The following CTCFL variants were observed in gnomAD, a reference collection of about 807,000 sequenced individuals.
CTCFL encodes the protein CCCTC-binding factor like.
A neutral mutation model predicts 67.4 loss-of-function variants in CTCFL; 36 were observed. The observed-to-expected ratio is 0.53, with a 90% CI of 0.41 to 0.71. The LOEUF (loss-of-function observed/expected upper bound fraction) is 0.71, where lower values mean the gene tolerates loss of function less well. Ranked by LOEUF, CTCFL falls within the 30% of genes least tolerant of loss-of-function variation. The pLI, the probability that CTCFL is intolerant of heterozygous loss-of-function variation, is 0.00. For synonymous variants in CTCFL, 324 were observed against 302.3 expected (o/e 1.07, Z -0.75); for missense variants, 786 against 835.2 (o/e 0.94, Z 0.73).
chr20:57,508,850 CT>C, intron 8 of CTCFL, 62 bp from the exon 9 acceptor site: 1 of 1,434,200 alleles, frequency 7.0e-7, no homozygotes, highest in Non-Finnish European at 9.7e-7. Context: ...ATATTAGACA[CT>C]GTTTATCATA....
At chr20:57,499,889 T>A (rs944705158) in intron 10 of CTCFL, 1 of 846,020 alleles carries the variant, frequency 1.2e-6, no homozygotes, top group Admixed American at 7.5e-5. Flanking sequence ...CTTCACTCCC[T>A]CACCCACTGC....
rs2069604064 is a variant in CTCFL, at chr20:57,523,833, C to G, written c.373G>C (p.Gly125Arg). Residue 125 changes from glycine to arginine, a missense_variant, in exon 2 of 11, where the codon GGG becomes CGG. By Grantham distance (125) the Gly-to-Arg change is moderately radical (BLOSUM62 -2). This residue lies in a region of CTCFL where 333 missense variants were observed against 304.6 expected (regional missense o/e 1.09). Transcript: ENST00000243914. ...CACTGCTGCAGGCTCTGCCGGGGCCCTTCCTCAAGCCACAGCAACCCAGGG... is the reference window on the plus strand; with the variant it reads ...CACTGCTGCAGGCTCTGCCGGGGCCGTTCCTCAAGCCACAGCAACCCAGGG... Reference protein sequence around the residue: ...PGPGLLWLEEGPRQSLQQCVA... With the variant: ...PGPGLLWLEERPRQSLQQCVA... The G allele has an allele frequency of 1.2e-6, 2 of 1,613,142 alleles. No homozygotes were observed. The highest frequency in any genetic ancestry group is 1.7e-5 in the Admixed American group (1 of 60,032).
rs770657653 is a variant in CTCFL at position 57,524,105 on chromosome 20, C to T, written c.101G>A (p.Gly34Glu). ...CCGATGGTCTTTCTCTCTGCACACT[C>T]CGTCTTTTTCCTCCTCCTTCAGGCC... ...EKGLKEEEKD[G>E]VCREKDHRSP... is the part of the protein sequence containing the mutation. Residue 34 changes from glycine to glutamate, a missense_variant, in exon 2 of 11, where the codon GGA (glycine) becomes GAA (glutamate). Gly to Glu is a moderately conservative substitution (Grantham distance 98). Coordinates refer to ENST00000243914, the MANE Select transcript of CTCFL (RefSeq NM_001386993.1). 7 of 1,613,768 alleles carry T rather than the reference C, an allele frequency of 4.3e-6. No homozygotes were observed. The highest frequency in any genetic ancestry group is 5.9e-6 in the Non-Finnish European group (7 of 1,179,994).
chr20:57,510,634 C>A (rs888278169), intron 8 of CTCFL, among the ~76,000 whole-genome samples: 1 of 152,132 alleles, frequency 6.6e-6, no homozygotes, highest in East Asian at 1.9e-4. Flanking sequence ...GAGGCCGAGG[C>A]GGGCAGATCA....
rs933552817 is a variant in CTCFL at position 57,498,647 on chromosome 20, A to G, written c.1895T>C (p.Met632Thr). The G allele has an allele frequency of 1.9e-6, 3 of 1,614,052 alleles. No homozygotes were observed. Among genetic ancestry groups the G allele is most frequent in the Non-Finnish European group, 2.5e-6 (3 of 1,180,022 alleles). The change falls in exon 11 of 11, where the codon ATG becomes ACG. Residue 632 changes from methionine (M) to threonine (T), a missense_variant. Met to Thr is a moderately conservative substitution (Grantham distance 81). Coordinates refer to ENST00000243914, the MANE Select transcript of CTCFL (RefSeq NM_001386993.1). ...TTKGEQFPGEMFPVACRETTA... is the reference protein window; with the variant it reads ...TTKGEQFPGETFPVACRETTA... ...GGTTTCTCTGCAGGCGACAGGAAACATCTCTCCTGGGAACTGTTCTCCCTT... is the reference window on the plus strand; with the variant it reads ...GGTTTCTCTGCAGGCGACAGGAAACGTCTCTCCTGGGAACTGTTCTCCCTT...
intron 5 of CTCFL, among the ~76,000 whole-genome samples, chr20:57,516,563 C>T (rs556039274): frequency 2.0e-5 from 3 of 152,058 alleles, no homozygotes; most frequent in South Asian, 2.1e-4. Flanking sequence ...AAAATAAAAA[C>T]GAAACCCTAG....
At chr20:57,519,783 A>G (rs2069213260) in intron 3 of CTCFL, among the ~76,000 whole-genome samples, 1 of 152,206 alleles carries the variant, frequency 6.6e-6, no homozygotes, top group South Asian at 2.1e-4. Context: ...AACTAAAGAT[A>G]ACCCGCCCCA....
At chr20:57,506,906 T>C in intron 9 of CTCFL, 2 of 985,372 alleles carry the variant, frequency 2.0e-6, no homozygotes, top group Non-Finnish European at 2.4e-6. Context: ...ACTAATAGGG[T>C]TGACATTCCA....
chr20:57,499,842 G>A lies in CTCFL; in HGVS notation c.1841-1141C>T, dbSNP rs112558007. 1,801 of 406,536 alleles carry A rather than the reference G, an allele frequency of 4.4e-3. 38 individuals are homozygous for A. Among genetic ancestry groups the A allele is most frequent in the African/African-American group, 0.037 (1,725 of 46,036 alleles). 25.2% of individuals were successfully genotyped at this position (406,536 alleles called of 1,614,324 possible). A position where few individuals can be genotyped will look rare whatever the true frequency, so the allele number is the denominator to read the frequency against. On this transcript the variant is annotated intron_variant, in intron 10 of 10. Transcript: ENST00000243914. ...TCTGACAGGAGGCGGAGCTCAGGCGGTGATGCGCCCGATGGGGAGCGGCTG... is the reference window on the plus strand; with the variant it reads ...TCTGACAGGAGGCGGAGCTCAGGCGATGATGCGCCCGATGGGGAGCGGCTG...
Position 57,515,819 on chromosome 20 carries a change from G to A in CTCFL, c.1075C>T (p.Arg359Cys). The A allele has an allele frequency of 4.4e-6, 7 of 1,607,828 alleles. No individual in the cohort carries two copies. In the South Asian group the frequency reaches 5.6e-5, roughly 13 times the overall value. ...YASVEASKLK[R>C]HVRSHTGERP... is the part of the protein sequence containing the mutation. ...TCCCCAGTGTGGGATCGGACATGGC[G>A]CTTCAATTTACTTGCCTAATAAATA... Residue 359 changes from arginine to cysteine, a missense_variant, in exon 6 of 11, where the codon CGC (arginine) becomes TGC (cysteine). Coordinates refer to ENST00000243914, the MANE Select transcript of CTCFL (RefSeq NM_001386993.1).
In CTCFL at chr20:57,518,858, A is replaced by G. The variant is rs1196420569; in HGVS notation, c.959T>C (p.Met320Thr). Reference sequence around the variant, plus strand: ...GAGTTCTCCACTGGTGACAAATGCCATGTTGCAGTCGTTACACTTGTAGGG... The same window carrying G: ...GAGTTCTCCACTGGTGACAAATGCCGTGTTGCAGTCGTTACACTTGTAGGG... ...TRPYKCNDCN[M>T]AFVTSGELVR... Residue 320 changes from methionine to threonine, a missense_variant, in exon 5 of 11, where the codon ATG (methionine) becomes ACG (threonine). Physicochemically the swap from Met to Thr is moderately conservative, Grantham distance 81. Around this residue, in one of 3 missense-constraint regions of CTCFL, gnomAD observed 254 missense variants for 333.9 expected, o/e 0.76. Transcript: ENST00000243914. The G allele has an allele frequency of 1.9e-6, 3 of 1,613,926 alleles. No individual in the cohort carries two copies. The African/African-American group carries it at 4.0e-5, about 22-fold the overall frequency.
chr20:57,498,073 ATAT>A lies in CTCFL; in HGVS notation c.*474_*476del. ...ATTTGTCTTTAATGTTTAAAACCAT[ATAT>A]TATTAGAAATATCATGGGTGTATAT... On this transcript the variant is annotated 3_prime_UTR_variant, in exon 11 of 11. Transcript: ENST00000243914. 1 of 908,804 alleles carries A rather than the reference ATAT, an allele frequency of 1.1e-6. No homozygotes were observed. The highest frequency in any genetic ancestry group is 5.1e-5 in the South Asian group (1 of 19,722). The allele number at this position is 908,804 out of a possible 1,614,324, so 56.3% of individuals were successfully genotyped here.
downstream of CTCFL, chr20:57,496,327 C>A (rs1600627889): frequency 1.0e-5 from 7 of 684,180 alleles, no homozygotes; most frequent in East Asian, 1.9e-4. Flanking sequence ...AGAAGCCAGG[C>A]AGATACCAAC....
Position 57,503,508 on chromosome 20 carries a change from T to G in CTCFL, c.1768A>C (p.Thr590Pro), listed in dbSNP as rs749355033. The change falls in exon 10 of 11, where the codon ACC becomes CCC. Residue 590 changes from threonine (T) to proline (P), a missense_variant. This residue lies in a region of CTCFL where 199 missense variants were observed against 196.7 expected (regional missense o/e 1.01). Transcript: ENST00000243914. ...CCCTTTGTGGCTTCCTTCAGGATGGTCTGCTTCCTCTTTCTTGTTCTTCTT... is the reference window on the plus strand; with the variant it reads ...CCCTTTGTGGCTTCCTTCAGGATGGGCTGCTTCCTCTTTCTTGTTCTTCTT... ...KGRRTRKRKQ[T>P]ILKEATKGQK... 1 of 1,614,222 alleles carries G rather than the reference T, an allele frequency of 6.2e-7. No homozygotes were observed. The highest frequency in any genetic ancestry group is 8.5e-7 in the Non-Finnish European group (1 of 1,180,038).
Position 57,514,728 on chromosome 20 carries a change from G to A in CTCFL, c.1194C>T (p.Tyr398=), listed in dbSNP as rs202082153. Residue 398 remains tyrosine, a synonymous_variant, in exon 7 of 11, where the codon TAC becomes TAT. Transcript: ENST00000243914. ...AGCGGGTGTGGCAGATGTGGCATTC[G>A]TAAGGCTTCTCACCTGAGATGCAGA... The part of the protein sequence containing the change: ...HMRTHSGEKP[Y]ECHICHTRFT... The A allele has an allele frequency of 1.8e-4, 285 of 1,613,898 alleles. No individual in the cohort carries two copies. The highest frequency in any genetic ancestry group is 2.2e-4 in the Non-Finnish European group (263 of 1,179,950).
chr20:57,503,587 T>A lies in CTCFL; in HGVS notation c.1689A>T (p.Arg563Ser). The A allele has an allele frequency of 6.2e-7, 1 of 1,614,116 alleles. No homozygotes were observed. The highest frequency in any genetic ancestry group is 8.5e-7 in the Non-Finnish European group (1 of 1,180,010). ...CCCCTGATCCACACTTCTCCGAATG[T>A]CTGTGCAGGTTAATCTGTCGGAGAA... The part of the protein sequence containing the change: ...KGFSRWINLH[R>S]HSEKCGSGEA... The change falls in exon 10 of 11, where the codon AGA becomes AGT. Residue 563 changes from arginine to serine, a missense_variant. This residue lies in a region of CTCFL where 199 missense variants were observed against 196.7 expected (regional missense o/e 1.01). Transcript: ENST00000243914.
intron 9 of CTCFL, among the ~76,000 whole-genome samples, chr20:57,508,331 C>A (rs1238623306): frequency 1.3e-5 from 2 of 150,832 alleles, no homozygotes; most frequent in South Asian, 2.1e-4. Context: ...AGGTGGGGTT[C>A]TTTGGGGAGT....
chr20:57,523,076 T>C lies in CTCFL; in HGVS notation c.746A>G (p.Lys249Arg), dbSNP rs192001621. ...GAGATGAACTGGCCTACCCTTTGTC[T>C]TTCTTTGATTTTTTGTAGATTTGGC... is the stretch of plus-strand genomic sequence containing the variant. ...EKAKSTKNQR[K>R]TKGAKGTFHC... The change falls in exon 3 of 11, where the codon AAG (lysine) becomes AGG (arginine). Residue 249 changes from lysine to arginine, a missense_variant. Coordinates refer to ENST00000243914, the MANE Select transcript of CTCFL (RefSeq NM_001386993.1). 9.2e-5 allele frequency: 149 copies of C among 1,613,482 alleles called. 1 individual carries two copies. The Middle Eastern group carries it at 1.2e-3, about 13-fold the overall frequency.
intron 3 of CTCFL, among the ~76,000 whole-genome samples, chr20:57,522,092 T>C (rs1233019187): frequency 2.6e-5 from 4 of 152,196 alleles, no homozygotes; most frequent in African/African-American, 4.8e-5. Context: ...GATTTAAACA[T>C]ATGAGAAACT....
Sources: gnomAD v4.1 joint callset for allele counts (sites outside exome capture counted in the v4.1 genomes callset) on GRCh38, gnomAD v4.1.1 for gene constraint, gnomAD v4.1.1 regional missense constraint, MANE v1.5 for transcripts, NCBI Gene and HGNC (gene_info 2026-07-23, HGNC 2026-07-21) for gene names.